MACROD2: variants seen among roughly 807,000 people sequenced by gnomAD.
MACROD2 encodes the protein ADP-ribose glycohydrolase MACROD2.
A neutral mutation model predicts 70.4 loss-of-function variants in MACROD2; 36 were observed. The ratio of observed to expected loss-of-function variants is 0.51; its 90% CI spans 0.39 to 0.68. The LOEUF is 0.68. MACROD2 is among the 30% of genes least tolerant of loss of function. MACROD2 has a pLI of 0.00. For missense variants in MACROD2, 496 were observed against 538.4 expected, an observed-to-expected ratio of 0.92 and a Z score of 0.78; for synonymous variants, 172 against 178.8, an observed-to-expected ratio of 0.96 and a Z score of 0.30.
chr20:14,849,608 C>T (rs918304879), intron 5 of MACROD2, among the ~76,000 whole-genome samples: 3 of 151,952 alleles, frequency 2.0e-5, no homozygotes, highest in African/African-American at 7.3e-5. Context: ...GGTGAAACCC[C>T]GTCTCTACTA....
intron 3 of MACROD2, among the ~76,000 whole-genome samples, chr20:14,368,462 G>C (rs1414339237): frequency 6.6e-6 from 1 of 151,728 alleles, no homozygotes; most frequent in Non-Finnish European, 1.5e-5. Context: ...AGAATGGCAT[G>C]AACCCGGAAG....
At chr20:15,436,794 C>T (rs1275487306) in intron 7 of MACROD2, among the ~76,000 whole-genome samples, 1 of 152,070 alleles carries the variant, frequency 6.6e-6, no homozygotes, top group Non-Finnish European at 1.5e-5. Context: ...AAAAATTTTA[C>T]AAAGCAAACA....
At chr20:15,227,643 G>A (rs889892205) in intron 5 of MACROD2, among the ~76,000 whole-genome samples, 2 of 152,086 alleles carry the variant, frequency 1.3e-5, no homozygotes, top group Admixed American at 6.5e-5. Flanking sequence ...TTTCCCAAAG[G>A]TGAAATTGTG....
intron 3 of MACROD2, among the ~76,000 whole-genome samples, chr20:14,484,308 T>C (rs1385979464): frequency 6.6e-6 from 1 of 152,160 alleles, no homozygotes; most frequent in Non-Finnish European, 1.5e-5. Flanking sequence ...TTTTTGTGGG[T>C]ACATAGTAGA....
intron 5 of MACROD2, among the ~76,000 whole-genome samples, chr20:14,967,091 C>A (rs938411759): frequency 1.3e-5 from 2 of 152,192 alleles, no homozygotes; most frequent in African/African-American, 2.4e-5. Context: ...ACATTGAATA[C>A]TTTTTCATGT....
intron 8 of MACROD2, among the ~76,000 whole-genome samples, chr20:15,693,385 G>T (rs1480993225): frequency 6.6e-6 from 1 of 152,070 alleles, no homozygotes; most frequent in Admixed American, 6.6e-5. Context: ...GTAGTATTTT[G>T]CTGTTTGCTA....
At chr20:14,263,972 AACACACACACACACACACACAC>A (rs71190124) in intron 3 of MACROD2, among the ~76,000 whole-genome samples, 1,623 of 127,184 alleles carry the variant, frequency 0.013, 15 homozygotes, top group Non-Finnish European at 0.019. Flanking sequence ...ACCCTATCTA[AACACACACACACACACACACAC>A]ACACACACAC....
intron 6 of MACROD2, among the ~76,000 whole-genome samples, chr20:15,286,814 A>C (rs1416291005): frequency 6.6e-6 from 1 of 152,178 alleles, no homozygotes; most frequent in Non-Finnish European, 1.5e-5. Context: ...GCAGTATTTC[A>C]CATCCCTCAG....
At chr20:14,239,332 C>T (rs2081908502) in intron 3 of MACROD2, among the ~76,000 whole-genome samples, 1 of 152,194 alleles carries the variant, frequency 6.6e-6, no homozygotes, top group South Asian at 2.1e-4. Flanking sequence ...CTATTAATAT[C>T]AAGTTACCAA....
intron 2 of MACROD2, among the ~76,000 whole-genome samples, chr20:14,007,196 A>AC (rs2052835528): frequency 6.9e-6 from 1 of 145,922 alleles, no homozygotes; most frequent in African/African-American, 2.5e-5. Flanking sequence ...ATAAAGAGGA[A>AC]CTTTCTGTTA....
At chr20:14,364,867 C>T (rs1412444450) in intron 3 of MACROD2, among the ~76,000 whole-genome samples, 1 of 152,202 alleles carries the variant, frequency 6.6e-6, no homozygotes, top group Non-Finnish European at 1.5e-5. Flanking sequence ...TGCTGCTGGA[C>T]ACTTTGGTAG....
Position 14,411,227 on chromosome 20 carries a change from A to T in MACROD2, c.272-82252A>T, listed in dbSNP as rs114122231. Among the ~76,000 whole-genome samples, 365 of 152,208 alleles carry T rather than the reference A, an allele frequency of 2.4e-3. 1 individual carries two copies. The highest frequency in any genetic ancestry group is 8.4e-3 in the African/African-American group (347 of 41,536). On this transcript the variant is annotated intron_variant, in intron 3 of 17. Transcript: ENST00000684519. ...AGCCAAGATTGCCCAGTATTCTGGG[A>T]TAGATTTTTTTTCTTAAGGGTTAAA... is the stretch of plus-strand genomic sequence containing the variant.
intron 8 of MACROD2, among the ~76,000 whole-genome samples, chr20:15,630,733 G>A (rs2049276872): frequency 6.6e-6 from 1 of 152,218 alleles, no homozygotes; most frequent in Non-Finnish European, 1.5e-5. Context: ...GCAAGGGAGA[G>A]GGTGGTCTTT....
At chr20:14,514,849 A>G (rs879364729) in intron 4 of MACROD2, among the ~76,000 whole-genome samples, 7 of 152,154 alleles carry the variant, frequency 4.6e-5, no homozygotes, top group Non-Finnish European at 8.8e-5. Flanking sequence ...CTTCCATGGT[A>G]GATTTTCCAC....
chr20:15,559,345 T>A (rs1288901406), intron 8 of MACROD2, among the ~76,000 whole-genome samples: 6 of 151,710 alleles, frequency 4.0e-5, no homozygotes, highest in Non-Finnish European at 8.8e-5. Flanking sequence ...TAAAGAATAG[T>A]CATGATTAAA....
intron 4 of MACROD2, among the ~76,000 whole-genome samples, chr20:14,668,433 A>G (rs1343941047): frequency 6.6e-6 from 1 of 152,146 alleles, no homozygotes; most frequent in African/African-American, 2.4e-5. Flanking sequence ...GGAGAAGGGC[A>G]TCTTTGAAGG....
intron 5 of MACROD2, among the ~76,000 whole-genome samples, chr20:15,088,731 C>G (rs981708178): frequency 6.6e-6 from 1 of 151,466 alleles, no homozygotes; most frequent in African/African-American, 2.4e-5. Context: ...TATAATAACT[C>G]TAACTTAAAA....
intron 2 of MACROD2, among the ~76,000 whole-genome samples, chr20:14,072,053 AGAT>A (rs1290570979): frequency 2.0e-5 from 3 of 152,238 alleles, no homozygotes; most frequent in African/African-American, 7.2e-5. Flanking sequence ...CATAAATAGA[AGAT>A]ACATGATTAA....
intron 5 of MACROD2, among the ~76,000 whole-genome samples, chr20:15,065,432 G>A (rs1441266354): frequency 1.3e-5 from 2 of 152,096 alleles, no homozygotes; most frequent in African/African-American, 2.4e-5. Flanking sequence ...GAGGCGGGCG[G>A]ATCACAAGGT....
Sources: allele counts gnomAD v4.1 joint callset (sites outside exome capture counted in the v4.1 genomes callset), GRCh38; gene constraint gnomAD v4.1.1; transcripts MANE v1.5; gene names NCBI Gene and HGNC (gene_info 2026-07-23, HGNC 2026-07-21).